Variants in SRRD observed in about 807,000 individuals in gnomAD.
SRRD encodes the protein SRR1 domain containing.
Under a neutral mutation model 30.7 loss-of-function variants are expected in SRRD, and 28 were observed. That is an observed-to-expected ratio of 0.91 (90% confidence interval 0.68 to 1.25). The LOEUF (loss-of-function observed/expected upper bound fraction) is 1.25, where lower values mean the gene tolerates loss of function less well. SRRD is among the 50% of genes most tolerant of loss of function. The pLI is 0.00. For synonymous variants in SRRD, 161 were observed against 159.6 expected, an observed-to-expected ratio of 1.01 and a Z score of -0.07; for missense variants, 415 against 417.3, an observed-to-expected ratio of 0.99 and a Z score of 0.05.
At chr22:26,489,922 G>A in intron 4 of SRRD, 122 bp from the exon 5 acceptor site, 8 of 1,076,560 alleles carry the variant, frequency 7.4e-6, no homozygotes, top group Non-Finnish European at 1.4e-6. Flanking sequence ...TCCACAAAAT[G>A]AGCTTTTTTC....
Position 26,491,517 on chromosome 22 carries a change from ATATT to A in SRRD, c.868_871del (p.Phe290MetfsTer13), listed in dbSNP as rs1921174151. On this transcript the variant is annotated frameshift_variant, in exon 7 of 7. Transcript: ENST00000215917. LOFTEE classifies it low-confidence loss of function (END_TRUNC). ...TCCTCAGACTTCACAATACATGGAC[ATATT>A]TAATGATACCTCTGTCCACTGGTTC... The A allele has an allele frequency of 6.2e-7, 1 of 1,614,060 alleles. No individual in the cohort carries two copies. The highest frequency in any genetic ancestry group is 8.5e-7 in the Non-Finnish European group (1 of 1,180,028).
chr22:26,490,607 C>G (rs941737515), intron 5 of SRRD, among the ~76,000 whole-genome samples: 5 of 115,936 alleles, frequency 4.3e-5, no homozygotes, highest in Admixed American at 1.2e-4. Context: ...TCTGTCCCCC[C>G]GGCTGGAGTG....
Position 26,491,906 on chromosome 22 carries a change from T to C in SRRD, c.*234T>C, listed in dbSNP as rs1011013640. 2 of 1,176,990 alleles carry C rather than the reference T, an allele frequency of 1.7e-6. No homozygotes were observed. Among genetic ancestry groups the C allele is most frequent in the African/African-American group, 3.1e-5 (2 of 65,260 alleles). 72.9% of individuals were successfully genotyped at this position (1,176,990 alleles called of 1,614,324 possible). On this transcript the variant is annotated 3_prime_UTR_variant, in exon 7 of 7. Coordinates refer to ENST00000215917, the MANE Select transcript of SRRD (RefSeq NM_001013694.3). ...ATGACCTGGCCTGATGTGGAGTAGCTCCTGAGTAAAGAAGTTACCCTTTTG... is the reference window on the plus strand; with the variant it reads ...ATGACCTGGCCTGATGTGGAGTAGCCCCTGAGTAAAGAAGTTACCCTTTTG...
Position 26,493,946 on chromosome 22 carries a change from G to A in SRRD, c.*2274G>A. 1 of 587,086 alleles carries A rather than the reference G, an allele frequency of 1.7e-6. No individual in the cohort carries two copies. Among genetic ancestry groups the A allele is most frequent in the Non-Finnish European group, 3.0e-6 (1 of 335,284 alleles). The allele number at this position is 587,086 out of a possible 1,614,324, so 36.4% of individuals were successfully genotyped here. On this transcript the variant is annotated 3_prime_UTR_variant, in exon 7 of 7. Transcript: ENST00000215917. ...CAGGGAAGATGCCCCTCTCAGTCATGGTAGACCTGGGCAGTGGGTGCCAGC... is the reference window on the plus strand; with the variant it reads ...CAGGGAAGATGCCCCTCTCAGTCATAGTAGACCTGGGCAGTGGGTGCCAGC...
intron 6 of SRRD, 187 bp from the exon 7 acceptor site, chr22:26,491,276 C>T: frequency 2.8e-6 from 2 of 713,528 alleles, no homozygotes; most frequent in South Asian, 3.9e-5. Context: ...CTTAGTATCA[C>T]AGTCCATGAT....
chr22:26,488,400 G>C lies in SRRD; in HGVS notation c.521G>C (p.Ser174Thr), dbSNP rs1602182082. ...ATTCTTCCCTTCTAGATTCCCAGAAGTCACTGTTGGGTATATGACCCTCTG... is the reference window on the plus strand; with the variant it reads ...ATTCTTCCCTTCTAGATTCCCAGAACTCACTGTTGGGTATATGACCCTCTG... ...LLLEKCQIPR[S>T]HCWVYDPLFS... The change falls in exon 4 of 7, where the codon AGT (serine) becomes ACT (threonine). Residue 174 changes from serine to threonine, a missense_variant. Transcript: ENST00000215917. 1 of 1,614,096 alleles carries C rather than the reference G, an allele frequency of 6.2e-7. No individual in the cohort carries two copies. The highest frequency in any genetic ancestry group is 1.1e-5 in the South Asian group (1 of 91,086).
chr22:26,486,717 T>C (rs2091711271), intron 2 of SRRD, among the ~76,000 whole-genome samples: 1 of 152,182 alleles, frequency 6.6e-6, no homozygotes, highest in Admixed American at 6.5e-5. Context: ...TGAGTAACTT[T>C]ATGCATAAAG....
intron 5 of SRRD, chr22:26,490,806 C>T (rs936957433): frequency 3.8e-5 from 19 of 498,634 alleles, no homozygotes; most frequent in Non-Finnish European, 5.7e-5. Flanking sequence ...TCAAATGATC[C>T]GCCCGCCTCA....
At chr22:26,485,512 A>G (rs1157333933) in intron 1 of SRRD, among the ~76,000 whole-genome samples, 2 of 152,196 alleles carry the variant, frequency 1.3e-5, no homozygotes, top group African/African-American at 2.4e-5. Flanking sequence ...GAAAGCCCAG[A>G]CACTTGGTTT....
chr22:26,488,037 A>G lies in SRRD; in HGVS notation c.259A>G (p.Asn87Asp). The stretch of plus-strand genomic sequence containing the variant: ...GGGGCCTGCTCTTTCAGAAACCATC[A>G]ATAGATGTCTCACAAAACATCTGGA... ...DFWSSALETI[N>D]RCLTKHLEQL... The change falls in exon 3 of 7, where the codon AAT (asparagine) becomes GAT (aspartate). Residue 87 changes from asparagine (N) to aspartate (D), a missense_variant. Transcript: ENST00000215917. The G allele has an allele frequency of 6.2e-7, 1 of 1,610,314 alleles. No individual in the cohort carries two copies. The highest frequency in any genetic ancestry group is 8.5e-7 in the Non-Finnish European group (1 of 1,177,630).
intron 2 of SRRD, among the ~76,000 whole-genome samples, chr22:26,486,310 A>G (rs1238948975): frequency 6.6e-6 from 1 of 152,200 alleles, no homozygotes; most frequent in Non-Finnish European, 1.5e-5. Flanking sequence ...TGCTGTATAC[A>G]AGGCAATAAA....
At chr22:26,486,356 C>A (rs2091708632) in intron 2 of SRRD, among the ~76,000 whole-genome samples, 1 of 152,190 alleles carries the variant, frequency 6.6e-6, no homozygotes, top group African/African-American at 2.4e-5. Flanking sequence ...TATATTTATC[C>A]TGTTCCTTTT....
At position 26,492,404 on chromosome 22, in the gene SRRD, G is replaced by A; in HGVS notation, c.*732G>A. On this transcript the variant is annotated 3_prime_UTR_variant, in exon 7 of 7. Coordinates refer to ENST00000215917, the MANE Select transcript of SRRD (RefSeq NM_001013694.3). Reference sequence around the variant, plus strand: ...GGAGGACAGGGCGGTGAGGAGAGGTGTTTCCAGGTGTATGGAAGTTGACAC... The same window carrying A: ...GGAGGACAGGGCGGTGAGGAGAGGTATTTCCAGGTGTATGGAAGTTGACAC... The A allele has an allele frequency of 2.5e-6, 4 of 1,592,130 alleles. No homozygotes were observed. The highest frequency in any genetic ancestry group is 1.1e-5 in the South Asian group (1 of 89,230).
chr22:26,492,443 A>C lies in SRRD; in HGVS notation c.*771A>C. ...GGAAGTTGACACTGTGGCTTGGCCC[A>C]GGTCTTGGGTGTGCCAGAGTGCTTG... On this transcript the variant is annotated 3_prime_UTR_variant, in exon 7 of 7. Transcript: ENST00000215917. The C allele has an allele frequency of 7.1e-7, 1 of 1,411,898 alleles. No homozygotes were observed. The highest frequency in any genetic ancestry group is 1.3e-5 in the South Asian group (1 of 79,320). 87.5% of individuals were successfully genotyped at this position (1,411,898 alleles called of 1,614,324 possible).
In SRRD at chr22:26,491,690, C is replaced by CA. The variant is rs779174936; in HGVS notation, c.*19dup. 7 of 1,602,370 alleles carry CA rather than the reference C, an allele frequency of 4.4e-6. No individual in the cohort carries two copies. In the East Asian group the frequency reaches 1.3e-4, roughly 31 times the overall value. On this transcript the variant is annotated 3_prime_UTR_variant, in exon 7 of 7. Transcript: ENST00000215917. ...CTGACTGAACTCGTTGTGAGGTACT[C>CA]AGTGTTGGCTGAGGTAGAAGCTGCC...
At position 26,490,148 on chromosome 22, in the gene SRRD, C is replaced by T; in HGVS notation, c.714C>T (p.Ala238=). The stretch of plus-strand genomic sequence containing the variant: ...TATGGAGTAACTGGTCAGTAGATGC[C>T]CTTTCTAAGATGGTCATCATTGGGA... ...NLLWSNWSVD[A]LSKMVIIGNS... is the part of the protein sequence containing the mutation. The change falls in exon 5 of 7, where the codon GCC becomes GCT. Residue 238 remains alanine (A), a synonymous_variant. Coordinates refer to ENST00000215917, the MANE Select transcript of SRRD (RefSeq NM_001013694.3). The T allele has an allele frequency of 1.2e-6, 2 of 1,614,088 alleles. No individual in the cohort carries two copies. Among genetic ancestry groups the T allele is most frequent in the African/African-American group, 1.3e-5 (1 of 75,006 alleles).
intron 4 of SRRD, among the ~76,000 whole-genome samples, chr22:26,489,702 A>G (rs1164603823): frequency 6.6e-6 from 1 of 152,120 alleles, no homozygotes; most frequent in Admixed American, 6.5e-5. Flanking sequence ...GGATTACTGA[A>G]CACAGGGGAA....
chr22:26,494,297 C>T lies in SRRD; in HGVS notation c.*2625C>T, dbSNP rs759436489. Reference sequence around the variant, plus strand: ...ATTTGGGCTGTTACTGAGCCAAGAGCACAGCACCTGCCAAAAAGAAAAATT... The same window carrying T: ...ATTTGGGCTGTTACTGAGCCAAGAGTACAGCACCTGCCAAAAAGAAAAATT... On this transcript the variant is annotated 3_prime_UTR_variant, in exon 7 of 7. Coordinates refer to ENST00000215917, the MANE Select transcript of SRRD (RefSeq NM_001013694.3). 4 of 1,614,102 alleles carry T rather than the reference C, an allele frequency of 2.5e-6. No homozygotes were observed. The African/African-American group carries it at 4.0e-5, about 16-fold the overall frequency.
chr22:26,490,931 C>T (rs1419030847), intron 5 of SRRD, 94 bp from the exon 6 acceptor site: 4 of 1,120,122 alleles, frequency 3.6e-6, no homozygotes, highest in Admixed American at 2.3e-5. Context: ...ATCATCTTGC[C>T]CTTCTATGTG....
Sources: allele counts gnomAD v4.1 joint callset (sites outside exome capture counted in the v4.1 genomes callset), GRCh38; gene constraint gnomAD v4.1.1; transcripts MANE v1.5; gene names NCBI Gene and HGNC (gene_info 2026-07-23, HGNC 2026-07-21).